SYTL3: variants seen among roughly 807,000 people sequenced by gnomAD.
The protein encoded by SYTL3 is synaptotagmin like 3, also known as synaptotagmin-like protein 3.
In SYTL3, 88 loss-of-function variants were observed where a neutral mutation model predicts 82.1. The ratio of observed to expected loss-of-function variants is 1.07; its 90% CI spans 0.90 to 1.28. The LOEUF is 1.28. Ranked by LOEUF, SYTL3 falls within the 50% of genes most tolerant of loss-of-function variation. The pLI is 0.00. For synonymous variants in SYTL3, 311 were observed against 289.4 expected, an observed-to-expected ratio of 1.07 and a Z score of -0.76; for missense variants, 831 against 757.6, an observed-to-expected ratio of 1.10 and a Z score of -1.14.
intron 6 of SYTL3, among the ~76,000 whole-genome samples, chr6:158,683,266 G>T (rs1190910465): frequency 4.2e-4 from 60 of 143,460 alleles, no homozygotes; most frequent in Admixed American, 4.1e-3. Context: ...CTGTTGCCAG[G>T]CTGGAGTGCA....
intron 11 of SYTL3, among the ~76,000 whole-genome samples, chr6:158,743,027 C>T (rs553794989): frequency 7.2e-4 from 109 of 152,284 alleles, no homozygotes; most frequent in African/African-American, 2.3e-3. Context: ...CCCATGACTT[C>T]GTAGCCTTGA....
intron 6 of SYTL3, 118 bp from the exon 7 acceptor site, chr6:158,707,108 TCTTA>T (rs1368535969): frequency 3.7e-5 from 37 of 1,010,954 alleles, no homozygotes; most frequent in South Asian, 3.6e-4. Context: ...CAAAATGATC[TCTTA>T]CTTTTTAATC....
Position 158,763,455 on chromosome 6 carries a change from C to A in SYTL3, c.1669C>A (p.Gln557Lys), listed in dbSNP as rs375525173. 33 of 1,614,076 alleles carry A rather than the reference C, an allele frequency of 2.0e-5. No homozygotes were observed. The African/African-American group carries it at 3.9e-4, about 19-fold the overall frequency. The change falls in exon 17 of 18, where the codon CAG (glutamine) becomes AAG (lysine). Residue 557 changes from glutamine to lysine, a missense_variant. Coordinates refer to ENST00000611299, the MANE Select transcript of SYTL3 (RefSeq NM_001242394.2). ...AAGCTTGGAGTTAACTGTCTGGGATCAGGCCCTCTTTGGAATGAACGACCG... is the reference window on the plus strand; with the variant it reads ...AAGCTTGGAGTTAACTGTCTGGGATAAGGCCCTCTTTGGAATGAACGACCG... Reference protein sequence around the residue: ...QSSLELTVWDQALFGMNDRLL... With the variant: ...QSSLELTVWDKALFGMNDRLL...
At chr6:158,749,673 T>C (rs181535147) in intron 12 of SYTL3, among the ~76,000 whole-genome samples, 3 of 151,752 alleles carry the variant, frequency 2.0e-5, no homozygotes, top group East Asian at 1.9e-4. Context: ...TTTTCAGTAG[T>C]GATGAGGTCC....
intron 6 of SYTL3, among the ~76,000 whole-genome samples, chr6:158,700,492 T>C (rs1468822059): frequency 6.6e-6 from 1 of 152,186 alleles, no homozygotes; most frequent in African/African-American, 2.4e-5. Context: ...TGAAATTACA[T>C]GTAAGCTAAA....
Position 158,763,213 on chromosome 6 carries a change from C to G in SYTL3, c.1518-91C>G. ...TGGATGTTGTGGACTTGGCACTTTT[C>G]TTAGTGCTTCCCGTCTGCACTGACG... On this transcript the variant is annotated intron_variant, in intron 16 of 17. Coordinates refer to ENST00000611299, the MANE Select transcript of SYTL3 (RefSeq NM_001242394.2). 2.4e-6 allele frequency: 3 copies of G among 1,275,788 alleles called. No homozygotes were observed. In the South Asian group the frequency reaches 3.7e-5, roughly 16 times the overall value. The allele number at this position is 1,275,788 out of a possible 1,614,324, so 79.0% of individuals were successfully genotyped here. A position where few individuals can be genotyped will look rare whatever the true frequency, so the allele number is the denominator to read the frequency against.
chr6:158,729,674 C>T (rs1785166368), intron 11 of SYTL3, among the ~76,000 whole-genome samples: 1 of 149,664 alleles, frequency 6.7e-6, no homozygotes, highest in Admixed American at 6.7e-5. Context: ...TCACGCCATT[C>T]TCCTGCCTCA....
chr6:158,746,318 A>G (rs1056549053), intron 12 of SYTL3, among the ~76,000 whole-genome samples: 1 of 151,996 alleles, frequency 6.6e-6, no homozygotes, highest in African/African-American at 2.4e-5. Context: ...ACTTCAATAA[A>G]TGATGTTGAA....
At position 158,703,343 on chromosome 6, in the gene SYTL3, T is replaced by C. The variant is rs1008147466; in HGVS notation, c.395-3887T>C. Among the ~76,000 whole-genome samples the C allele has an allele frequency of 1.4e-4, 22 of 151,906 alleles. 2 individuals carry two copies. The South Asian group carries it at 3.7e-3, about 26-fold the overall frequency. On this transcript the variant is annotated intron_variant, in intron 6 of 17. Transcript: ENST00000611299. ...TGTTCCTGTCCCTGGCAAAGACGGG[T>C]ATCCCTGCTAAAGTCACTCGCCAGC...
chr6:158,757,266 A>G lies in SYTL3; in HGVS notation c.1193A>G (p.His398Arg). Residue 398 changes from histidine to arginine, a missense_variant, in exon 14 of 18, where the codon CAT becomes CGT. His to Arg is a conservative substitution (Grantham distance 29, BLOSUM62 0). Transcript: ENST00000611299. Reference sequence around the variant, plus strand: ...CGGCAGCTGCAGGTCTCGGTGTGGCATCTGGGCACGCTGGCCCGGAGAGTG... The same window carrying G: ...CGGCAGCTGCAGGTCTCGGTGTGGCGTCTGGGCACGCTGGCCCGGAGAGTG... ...VTRQLQVSVW[H>R]LGTLARRVFL... 1.2e-6 allele frequency: 2 copies of G among 1,612,892 alleles called. No homozygotes were observed. Among genetic ancestry groups the G allele is most frequent in the African/African-American group, 1.3e-5 (1 of 74,892 alleles).
At chr6:158,755,204 A>T (rs950053940) in intron 13 of SYTL3, among the ~76,000 whole-genome samples, 1 of 152,172 alleles carries the variant, frequency 6.6e-6, no homozygotes, top group Admixed American at 6.5e-5. Flanking sequence ...TTAGCCGGGC[A>T]TGGCGACGCC....
At chr6:158,720,425 A>C (rs1783969503) in intron 10 of SYTL3, among the ~76,000 whole-genome samples, 1 of 150,760 alleles carries the variant, frequency 6.6e-6, no homozygotes, top group African/African-American at 2.4e-5. Context: ...AAAAAAAAAA[A>C]GCCTGAGTTT....
chr6:158,673,718 G>A (rs1399748035), intron 5 of SYTL3, among the ~76,000 whole-genome samples: 1 of 151,344 alleles, frequency 6.6e-6, no homozygotes, highest in Non-Finnish European at 1.5e-5. Context: ...GATTAAAGGT[G>A]TGAGCCACCA....
At chr6:158,747,695 A>C (rs965543046) in intron 12 of SYTL3, among the ~76,000 whole-genome samples, 1 of 151,802 alleles carries the variant, frequency 6.6e-6, no homozygotes, top group Non-Finnish European at 1.5e-5. Flanking sequence ...TTCTGTTGCC[A>C]AGGCTGGTCT....
chr6:158,674,967 C>T lies in SYTL3; in HGVS notation c.330-7958C>T, dbSNP rs565205539. Among the ~76,000 whole-genome samples the T allele has an allele frequency of 3.8e-4, 57 of 151,908 alleles. 1 individual carries two copies. The Middle Eastern group carries it at 0.014, about 36-fold the overall frequency. On this transcript the variant is annotated intron_variant, in intron 5 of 17. Transcript: ENST00000611299. ...TGGGCCCTCAGTGTGTGGCCCTGCC[C>T]GACACAGTTAGAGGGTGTGACACCT... is the stretch of plus-strand genomic sequence containing the variant.
intron 14 of SYTL3, 101 bp from the exon 15 acceptor site, chr6:158,760,538 CA>C (rs1450651026): frequency 1.8e-5 from 18 of 977,100 alleles, no homozygotes; most frequent in African/African-American, 1.1e-4. Context: ...TTGCAGGGGC[CA>C]GGGGGAAGCA....
intron 5 of SYTL3, among the ~76,000 whole-genome samples, chr6:158,682,223 G>GCCA (rs1461844704): frequency 2.0e-5 from 3 of 152,108 alleles, no homozygotes; most frequent in Non-Finnish European, 4.4e-5. Context: ...ACAGGCGTGA[G>GCCA]CCACCGCGCC....
Position 158,696,033 on chromosome 6 carries a change from G to A in SYTL3, c.395-11197G>A, listed in dbSNP as rs1780520405. ...TAGAGTTCCTGCTTTAAATCCTTTTGTGTTTATACTCAGAAGTGGAATTAC... is the reference window on the plus strand; with the variant it reads ...TAGAGTTCCTGCTTTAAATCCTTTTATGTTTATACTCAGAAGTGGAATTAC... On this transcript the variant is annotated intron_variant, in intron 6 of 17. Coordinates refer to ENST00000611299, the MANE Select transcript of SYTL3 (RefSeq NM_001242394.2). Among the ~76,000 whole-genome samples the A allele has an allele frequency of 1.3e-5, 2 of 152,112 alleles. 1 individual carries two copies. The highest frequency in any genetic ancestry group is 4.1e-4 in the South Asian group (2 of 4,824).
intron 6 of SYTL3, among the ~76,000 whole-genome samples, chr6:158,688,147 T>A (rs1562377277): frequency 6.6e-6 from 1 of 152,238 alleles, no homozygotes; most frequent in East Asian, 1.9e-4. Flanking sequence ...ACCAAATATA[T>A]GCACTATAGT....
Sources: gnomAD v4.1 joint callset for allele counts (sites outside exome capture counted in the v4.1 genomes callset) on GRCh38, gnomAD v4.1.1 for gene constraint, MANE v1.5 for transcripts, NCBI Gene and HGNC (gene_info 2026-07-23, HGNC 2026-07-21) for gene names.